The following DAGLB variants were observed in gnomAD, a reference collection of about 807,000 sequenced individuals.
The protein encoded by DAGLB is diacylglycerol lipase-beta.
DAGLB carries 66 observed loss-of-function variants against 72.1 expected under a neutral mutation model. The ratio of observed to expected loss-of-function variants is 0.92; its 90% CI spans 0.75 to 1.12. DAGLB has a LOEUF of 1.12. DAGLB is among the 50% of genes most tolerant of loss of function. The pLI, the probability that DAGLB is intolerant of heterozygous loss-of-function variation, is 0.00. For missense variants in DAGLB, 1,065 were observed against 884.9 expected (o/e 1.20, Z -2.58); for synonymous variants, 414 against 359.5 (o/e 1.15, Z -1.71).
In DAGLB at chr7:6,432,899, C is replaced by T; in HGVS notation, c.739G>A (p.Asp247Asn). ...AGLALLHQQQ[D>N]NIRNNQEPAQ... ...GGCTCTTGGTTGTTCCTGATATTGT[C>T]CTGTTGCTGATGAAGCAGGGCGAGG... The change falls in exon 5 of 15, where the codon GAC (aspartate) becomes AAC (asparagine). Residue 247 changes from aspartate (D) to asparagine (N), a missense_variant. Physicochemically the swap from Asp to Asn is conservative, Grantham distance 23. Coordinates refer to ENST00000297056, the MANE Select transcript of DAGLB (RefSeq NM_139179.4). The T allele has an allele frequency of 6.2e-7, 1 of 1,613,902 alleles. No individual in the cohort carries two copies. The highest frequency in any genetic ancestry group is 8.5e-7 in the Non-Finnish European group (1 of 1,180,000).
chr7:6,414,068 C>T (rs836498), intron 11 of DAGLB, among the ~76,000 whole-genome samples: 88,662 of 151,908 alleles, frequency 0.58, 28,098 homozygotes, highest in East Asian at 0.91. Flanking sequence ...TGGAGTGCAG[C>T]GGCACAATCT....
intron 8 of DAGLB, chr7:6,422,193 C>T (rs1784150512): frequency 5.6e-6 from 2 of 356,078 alleles, no homozygotes; most frequent in Non-Finnish European, 1.1e-5. Flanking sequence ...GAGGCCTAGA[C>T]TAGCACCACA....
chr7:6,444,538 G>A (rs746163092), intron 2 of DAGLB, among the ~76,000 whole-genome samples: 6 of 152,172 alleles, frequency 3.9e-5, no homozygotes, highest in Non-Finnish European at 7.3e-5. Flanking sequence ...GGAGACGGAG[G>A]CTGCAGTGAG....
rs1783661749 is a variant in DAGLB at position 6,409,932 on chromosome 7, C to G, written c.1924G>C (p.Asp642His). 1.2e-6 allele frequency: 2 copies of G among 1,614,010 alleles called. No individual in the cohort carries two copies. Among genetic ancestry groups the G allele is most frequent in the East Asian group, 2.2e-5 (1 of 44,894 alleles). The stretch of plus-strand genomic sequence containing the variant: ...CTGTCCAAGGCCCGCATCAGGATGT[C>G]TGGCATGTGGTCGGTGAGCATCTTC... The part of the protein sequence containing the change: ...GPKMLTDHMP[D>H]ILMRALDSVV... The change falls in exon 15 of 15, where the codon GAC becomes CAC. Residue 642 changes from aspartate to histidine, a missense_variant. Coordinates refer to ENST00000297056, the MANE Select transcript of DAGLB (RefSeq NM_139179.4).
In DAGLB at chr7:6,426,351, C is replaced by A. The variant is rs566461108; in HGVS notation, c.930-237G>T. The stretch of plus-strand genomic sequence containing the variant: ...GTGGTACAATCTCAGGTCACCGCAA[C>A]CTCCGCCTCCCAGGTTCAGGCGATT... On this transcript the variant is annotated intron_variant, in intron 6 of 14. Transcript: ENST00000297056. Among the ~76,000 whole-genome samples the A allele has an allele frequency of 1.0e-3, 158 of 152,346 alleles. 2 individuals are homozygous for A. The highest frequency in any genetic ancestry group is 1.4e-3 in the South Asian group (7 of 4,828).
chr7:6,446,588 G>C (rs7810332), intron 1 of DAGLB, among the ~76,000 whole-genome samples: 113,974 of 151,474 alleles, frequency 0.75, 43,861 homozygotes, highest in African/African-American at 0.84. Flanking sequence ...TAGAGACAGG[G>C]TCTTGCTATG....
chr7:6,427,523 C>T (rs1410660729), intron 6 of DAGLB, among the ~76,000 whole-genome samples: 1 of 152,042 alleles, frequency 6.6e-6, no homozygotes, highest in Non-Finnish European at 1.5e-5. Flanking sequence ...CTGGGTCTGG[C>T]AGTGCATGCC....
intron 7 of DAGLB, 111 bp from the exon 8 acceptor site, chr7:6,424,946 G>T: frequency 9.6e-7 from 1 of 1,045,578 alleles, no homozygotes; most frequent in Non-Finnish European, 1.5e-6. Context: ...GCGGCACAGA[G>T]AGGAGGGGAC....
chr7:6,421,327 A>G (rs1291034743), intron 9 of DAGLB, among the ~76,000 whole-genome samples: 1 of 125,194 alleles, frequency 8.0e-6, no homozygotes, highest in African/African-American at 3.0e-5. Flanking sequence ...CGGGAGGCGC[A>G]GGCAGCGCGG....
intron 3 of DAGLB, among the ~76,000 whole-genome samples, chr7:6,435,864 T>C (rs1784638587): frequency 2.0e-5 from 3 of 152,208 alleles, no homozygotes; most frequent in Non-Finnish European, 4.4e-5. Context: ...GATTCCTTAT[T>C]TAGAACAGAG....
chr7:6,420,220 T>C (rs1191996483), intron 9 of DAGLB, among the ~76,000 whole-genome samples: 1 of 151,804 alleles, frequency 6.6e-6, no homozygotes, highest in Non-Finnish European at 1.5e-5. Context: ...GGTGGGTGGA[T>C]CACGAGGTCA....
intron 4 of DAGLB, among the ~76,000 whole-genome samples, chr7:6,434,384 C>T (rs1189107303): frequency 6.6e-6 from 1 of 152,180 alleles, no homozygotes; most frequent in Non-Finnish European, 1.5e-5. Flanking sequence ...TAAGAAGTCA[C>T]TCACTATCTG....
Position 6,413,473 on chromosome 7 carries a change from A to G in DAGLB, c.1428-439T>C, listed in dbSNP as rs1436224419. Among the ~76,000 whole-genome samples, 12 of 152,156 alleles carry G rather than the reference A, an allele frequency of 7.9e-5. 2 individuals carry two copies. The highest frequency in any genetic ancestry group is 7.9e-4 in the Admixed American group (12 of 15,270). On this transcript the variant is annotated intron_variant, in intron 11 of 14. Coordinates refer to ENST00000297056, the MANE Select transcript of DAGLB (RefSeq NM_139179.4). The stretch of plus-strand genomic sequence containing the variant: ...GTAAAAGCCCGTCTCTACTAAAAAT[A>G]CAAAAAATTAGCCAGGCGTGGTGGT...
intron 6 of DAGLB, among the ~76,000 whole-genome samples, chr7:6,427,169 C>A (rs1307073538): frequency 6.6e-6 from 1 of 152,132 alleles, no homozygotes; most frequent in Non-Finnish European, 1.5e-5. Context: ...ACTACAAACA[C>A]ATCGCAAACT....
chr7:6,409,909 G>A lies in DAGLB; in HGVS notation c.1947C>T (p.Asp649=), dbSNP rs372411793. The change falls in exon 15 of 15, where the codon GAC becomes GAT. Residue 649 remains aspartate (D), a synonymous_variant. Transcript: ENST00000297056. ...HMPDILMRAL[D]SVVSDRAACV... ...AGGCCGCTCTGTCGGAGACCACGCTGTCCAAGGCCCGCATCAGGATGTCTG... is the reference window on the plus strand; with the variant it reads ...AGGCCGCTCTGTCGGAGACCACGCTATCCAAGGCCCGCATCAGGATGTCTG... 1.9e-6 allele frequency: 3 copies of A among 1,614,112 alleles called. No homozygotes were observed. Among genetic ancestry groups the A allele is most frequent in the South Asian group, 1.1e-5 (1 of 91,092 alleles).
chr7:6,422,231 G>A (rs1192077384), intron 8 of DAGLB: 1 of 333,522 alleles, frequency 3.0e-6, no homozygotes, highest in Admixed American at 3.9e-5. Flanking sequence ...CCGAGTCAGA[G>A]GATGGGGCAC....
chr7:6,411,410 C>T (rs35277609), intron 13 of DAGLB, among the ~76,000 whole-genome samples: 25,177 of 152,130 alleles, frequency 0.17, 2,482 homozygotes, highest in East Asian at 0.23. Flanking sequence ...TTGCTTCAGC[C>T]CCGAAGTTTG....
intron 11 of DAGLB, among the ~76,000 whole-genome samples, chr7:6,414,509 C>G (rs959565179): frequency 1.3e-5 from 2 of 151,792 alleles, no homozygotes; most frequent in Admixed American, 1.3e-4. Flanking sequence ...CTATGTTGCC[C>G]AGGCTGGTCT....
chr7:6,409,553 C>G lies in DAGLB; in HGVS notation c.*284G>C, dbSNP rs1035826116. 1.3e-4 allele frequency: 66 copies of G among 488,982 alleles called. No individual in the cohort carries two copies. Among genetic ancestry groups the G allele is most frequent in the Non-Finnish European group, 2.3e-4 (61 of 270,008 alleles). The allele number at this position is 488,982 out of a possible 1,614,324, so 30.3% of individuals were successfully genotyped here. ...ACTTCTGGAGCAGTCCTCAGACAGC[C>G]AAGGGATCCATCCACGGGCCAGGGC... On this transcript the variant is annotated 3_prime_UTR_variant, in exon 15 of 15. Transcript: ENST00000297056.
Sources: allele counts gnomAD v4.1 joint callset (sites outside exome capture counted in the v4.1 genomes callset), GRCh38; gene constraint gnomAD v4.1.1; transcripts MANE v1.5; gene names NCBI Gene and HGNC (gene_info 2026-07-23, HGNC 2026-07-21).